Variants in ANKFN1 observed in about 807,000 individuals in gnomAD.
ANKFN1 encodes the protein ankyrin repeat and fibronectin type-III domain-containing protein 1.
Under a neutral mutation model 108.7 loss-of-function variants are expected in ANKFN1, and 74 were observed. That is an observed-to-expected ratio of 0.68 (90% CI 0.56 to 0.83). ANKFN1 has a LOEUF of 0.83. Ranked by LOEUF, ANKFN1 falls within the 40% of genes least tolerant of loss-of-function variation. ANKFN1 has a pLI of 0.00. For synonymous variants in ANKFN1, 547 were observed against 516.2 expected (o/e 1.06, Z -0.81); for missense variants, 1,505 against 1,382.3 (o/e 1.09, Z -1.41).
At chr17:56,387,446 C>T (rs1357737583) in intron 8 of ANKFN1, among the ~76,000 whole-genome samples, 1 of 152,114 alleles carries the variant, frequency 6.6e-6, no homozygotes, top group African/African-American at 2.4e-5. Context: ...TTCCAAGTGG[C>T]CAGATTTTAT....
rs1568026350 is a variant in ANKFN1 at position 56,467,794 on chromosome 17, G to GAGAA, written c.1773+1224_1773+1225insGAAA. On this transcript the variant is annotated intron_variant, in intron 15 of 20. Transcript: ENST00000682825. ...AAGAAAGAAAGAAAGAAAGAAAGAA[G>GAGAA]AAAGAAAGAAAGAAAGAAAGAAAGA... 1.8e-3 allele frequency among the ~76,000 whole-genome samples: 28 copies of GAGAA among 15,944 alleles called. 1 individual carries two copies. Among genetic ancestry groups the GAGAA allele is most frequent in the African/African-American group, 7.3e-3 (28 of 3,838 alleles). 10.5% of individuals were successfully genotyped at this position (15,944 alleles called of 152,430 possible). A position where few individuals can be genotyped will look rare whatever the true frequency, so the allele number is the denominator to read the frequency against.
At chr17:56,099,832 G>C (rs1905606020) in intron 4 of ANKFN1, among the ~76,000 whole-genome samples, 1 of 152,194 alleles carries the variant, frequency 6.6e-6, no homozygotes, top group African/African-American at 2.4e-5. Context: ...CAAGTCATGA[G>C]GCATTCCACC....
At chr17:56,467,794 G>A (rs376622754) in intron 15 of ANKFN1, among the ~76,000 whole-genome samples, 706 of 15,250 alleles carry the variant, frequency 0.046, 4 homozygotes, top group Middle Eastern at 0.14. Context: ...AAAGAAAGAA[G>A]AAAGAAAGAA....
At chr17:56,098,332 A>G (rs142509559) in intron 4 of ANKFN1, among the ~76,000 whole-genome samples, 249 of 152,240 alleles carry the variant, frequency 1.6e-3, no homozygotes, top group Admixed American at 3.0e-3. Flanking sequence ...TGTAGTCTCT[A>G]TTTACATTTG....
intron 1 of ANKFN1, among the ~76,000 whole-genome samples, chr17:56,178,553 AG>A (rs1911386894): frequency 6.6e-6 from 1 of 151,984 alleles, no homozygotes; most frequent in Admixed American, 6.6e-5. Context: ...ATACTTAAGA[AG>A]GTACTTAAAA....
At chr17:56,506,572 G>C (rs1359203145) in intron 20 of ANKFN1, among the ~76,000 whole-genome samples, 1 of 151,766 alleles carries the variant, frequency 6.6e-6, no homozygotes, top group East Asian at 1.9e-4. Context: ...TTCCAGAGCT[G>C]TAAAAGAATA....
chr17:56,410,417 C>G (rs865855401), intron 8 of ANKFN1, among the ~76,000 whole-genome samples: 2 of 152,076 alleles, frequency 1.3e-5, no homozygotes, highest in Non-Finnish European at 2.9e-5. Context: ...TTTTAATTCA[C>G]AAAGAATTGC....
intron 4 of ANKFN1, among the ~76,000 whole-genome samples, chr17:56,121,396 G>C (rs143777950): frequency 9.9e-4 from 151 of 151,882 alleles, no homozygotes; most frequent in African/African-American, 3.0e-3. Context: ...ATCATGTCCT[G>C]GATGTTAGTC....
Position 56,510,566 on chromosome 17 carries a change from A to G in ANKFN1, c.2738A>G (p.Asp913Gly). The G allele has an allele frequency of 6.5e-7, 1 of 1,536,146 alleles. No individual in the cohort carries two copies. Among genetic ancestry groups the G allele is most frequent in the Non-Finnish European group, 8.7e-7 (1 of 1,146,894 alleles). Residue 913 changes from aspartate to glycine, a missense_variant, in exon 21 of 21, where the codon GAC becomes GGC. By Grantham distance (94) the Asp-to-Gly change is moderately conservative (BLOSUM62 -1). Coordinates refer to ENST00000682825, the MANE Select transcript of ANKFN1 (RefSeq NM_001370326.1). ...YDSSDALSPR[D>G]LDLVYLSSHD... is the part of the protein sequence containing the mutation. Reference sequence around the variant, plus strand: ...TCCAGCGATGCCCTGAGCCCCAGAGACCTGGACCTGGTCTACCTATCATCT... The same window carrying G: ...TCCAGCGATGCCCTGAGCCCCAGAGGCCTGGACCTGGTCTACCTATCATCT...
intron 8 of ANKFN1, among the ~76,000 whole-genome samples, chr17:56,380,957 A>G (rs1214470978): frequency 1.3e-5 from 2 of 152,194 alleles, no homozygotes; most frequent in South Asian, 2.1e-4. Flanking sequence ...ATGCAGCTGG[A>G]GATCTGAGAA....
rs776135988 is a variant in ANKFN1 at position 56,442,898 on chromosome 17, C to A, written c.1064C>A (p.Ala355Asp). 6.2e-7 allele frequency: 1 copy of A among 1,613,798 alleles called. No homozygotes were observed. Among genetic ancestry groups the A allele is most frequent in the Non-Finnish European group, 8.5e-7 (1 of 1,179,776 alleles). Residue 355 changes from alanine to aspartate, a missense_variant, in exon 10 of 21, where the codon GCT (alanine) becomes GAT (aspartate). Transcript: ENST00000682825. ...TACAATATGAAAGGATGGGGACCTG[C>A]TCAGACCACGACACCGGCATGTGCC... ...SAYNMKGWGP[A>D]QTTTPACASP...
chr17:56,487,922 T>C (rs2050905900), intron 18 of ANKFN1, among the ~76,000 whole-genome samples: 1 of 152,206 alleles, frequency 6.6e-6, no homozygotes, highest in South Asian at 2.1e-4. Flanking sequence ...CCTGATTAAG[T>C]ACACTCTTAA....
chr17:56,379,260 A>C (rs11654898), intron 8 of ANKFN1, among the ~76,000 whole-genome samples: 1 of 151,844 alleles, frequency 6.6e-6, no homozygotes, highest in Admixed American at 6.5e-5. Flanking sequence ...TTGGCTGGGC[A>C]TGGTGGCGGG....
chr17:56,391,877 G>C (rs1049485372), intron 8 of ANKFN1, among the ~76,000 whole-genome samples: 1 of 152,036 alleles, frequency 6.6e-6, no homozygotes, highest in Non-Finnish European at 1.5e-5. Flanking sequence ...TCCTAGCATA[G>C]GACATACCCA....
intron 15 of ANKFN1, among the ~76,000 whole-genome samples, chr17:56,467,784 AAAGAAAGAAGAAAGAAAGAAAG>A (rs2050147536): frequency 6.2e-5 from 1 of 16,034 alleles, no homozygotes; most frequent in Non-Finnish European, 1.4e-4. Context: ...AGAAAGAAAG[AAAGAAAGAAGAAAGAAAGAAAG>A]AAAGAAAGAA....
intron 4 of ANKFN1, among the ~76,000 whole-genome samples, chr17:56,070,990 TC>T (rs59844182): frequency 0.093 from 14,165 of 152,158 alleles, 1,226 homozygotes; most frequent in African/African-American, 0.23. Flanking sequence ...CACCTCAGCC[TC>T]CCAAAGTGCT....
chr17:56,153,753 G>A (rs1018448936), intron 1 of ANKFN1: 10 of 625,078 alleles, frequency 1.6e-5, no homozygotes, highest in Admixed American at 5.7e-5. Flanking sequence ...CTTTTGGGAG[G>A]TGGGAGAATG....
intron 18 of ANKFN1, among the ~76,000 whole-genome samples, chr17:56,491,635 G>A (rs547569494): frequency 2.0e-5 from 3 of 152,142 alleles, no homozygotes; most frequent in South Asian, 2.1e-4. Flanking sequence ...GCCAAGAAGC[G>A]GAGAGGCAGA....
Position 56,511,193 on chromosome 17 carries a change from G to A in ANKFN1, c.3365G>A (p.Ser1122Asn). Residue 1122 changes from serine to asparagine, a missense_variant, in exon 21 of 21, where the codon AGC (serine) becomes AAC (asparagine). By Grantham distance (46) the Ser-to-Asn change is conservative (BLOSUM62 1). Transcript: ENST00000682825. The part of the protein sequence containing the change: ...PPSGGRITLP[S>N]PTGPDVSQEG... ...TCTGGAGGCCGCATCACCCTGCCCA[G>A]CCCCACTGGCCCCGATGTGAGTCAG... 1 of 1,535,790 alleles carries A rather than the reference G, an allele frequency of 6.5e-7. No individual in the cohort carries two copies. The highest frequency in any genetic ancestry group is 2.0e-5 in the Admixed American group (1 of 50,982).
Sources: allele counts gnomAD v4.1 joint callset (sites outside exome capture counted in the v4.1 genomes callset), GRCh38; gene constraint gnomAD v4.1.1; transcripts MANE v1.5; gene names NCBI Gene and HGNC (gene_info 2026-07-23, HGNC 2026-07-21).